ZRANB3: variants seen among roughly 807,000 people sequenced by gnomAD.
The protein encoded by ZRANB3 is zinc finger RANBP2-type containing 3.
In ZRANB3, 125 loss-of-function variants were observed where a neutral mutation model predicts 133.8. The ratio of observed to expected loss-of-function variants is 0.93; its 90% CI spans 0.81 to 1.08. ZRANB3 has a LOEUF of 1.08. ZRANB3 is among the 50% of genes least tolerant of loss of function. The probability of loss-of-function intolerance (pLI) is 0.00; values close to 1 mark genes in which losing one functional copy is unlikely to be tolerated. For missense variants in ZRANB3, 1,229 were observed against 1,275.5 expected, an observed-to-expected ratio of 0.96 and a Z score of 0.56; for synonymous variants, 387 against 432.7, an observed-to-expected ratio of 0.89 and a Z score of 1.31.
intron 15 of ZRANB3, among the ~76,000 whole-genome samples, chr2:135,220,025 C>T (rs7586958): frequency 0.037 from 5,641 of 152,098 alleles, 203 homozygotes; most frequent in South Asian, 0.16. Flanking sequence ...GCACGTTCCA[C>T]CACGCCTGGC....
chr2:135,407,599 A>G (rs1336526629), intron 2 of ZRANB3, among the ~76,000 whole-genome samples: 1 of 151,120 alleles, frequency 6.6e-6, no homozygotes, highest in Non-Finnish European at 1.5e-5. Flanking sequence ...TAACCAAAAC[A>G]GCATGGTACT....
intron 12 of ZRANB3, among the ~76,000 whole-genome samples, chr2:135,237,146 TTC>T (rs1336702382): frequency 2.6e-5 from 4 of 152,086 alleles, no homozygotes; most frequent in African/African-American, 9.7e-5. Flanking sequence ...GAACAGACAC[TTC>T]TCAAAAGAAG....
rs113493109 is a variant in ZRANB3, at chr2:135,255,275, G to GAC, written c.1539+10257_1539+10258dup. ...ACAAAACAACACACACACACACACAGACACACACACACACACACAGCCCCC... is the reference window on the plus strand; with the variant it reads ...ACAAAACAACACACACACACACACAGACACACACACACACACACACAGCCCCC... On this transcript the variant is annotated intron_variant, in intron 12 of 20. Transcript: ENST00000264159. Among the ~76,000 whole-genome samples, 859 of 148,448 alleles carry GAC rather than the reference G, an allele frequency of 5.8e-3. 9 individuals carry two copies. Among genetic ancestry groups the GAC allele is most frequent in the African/African-American group, 0.018 (717 of 40,588 alleles).
chr2:135,448,353 G>A (rs926875110), intron 2 of ZRANB3, among the ~76,000 whole-genome samples: 8 of 152,076 alleles, frequency 5.3e-5, no homozygotes, highest in South Asian at 2.1e-4. Context: ...CTGAACAGCC[G>A]CTATACATTT....
chr2:135,409,880 C>T (rs1002999336), intron 2 of ZRANB3, among the ~76,000 whole-genome samples: 1 of 152,046 alleles, frequency 6.6e-6, no homozygotes, highest in Admixed American at 6.6e-5. Context: ...TTACAATAGC[C>T]ACACACACAA....
At chr2:135,439,941 C>T (rs1689707018) in intron 2 of ZRANB3, among the ~76,000 whole-genome samples, 1 of 152,252 alleles carries the variant, frequency 6.6e-6, no homozygotes, top group Middle Eastern at 3.4e-3. Context: ...CAGGCTGATG[C>T]AATTTATGTT....
intron 16 of ZRANB3, among the ~76,000 whole-genome samples, chr2:135,218,304 G>A (rs138415593): frequency 1.1e-3 from 171 of 152,184 alleles, no homozygotes; most frequent in East Asian, 1.9e-3. Flanking sequence ...GAATTGCTTC[G>A]TAAATGATGC....
In ZRANB3 at chr2:135,511,163, T is replaced by C. The variant is rs983864907; in HGVS notation, c.-7-6667A>G. 1.1e-4 allele frequency: 83 copies of C among 779,218 alleles called. No individual in the cohort carries two copies. The Admixed American group carries it at 1.4e-3, about 13-fold the overall frequency. 48.3% of individuals were successfully genotyped at this position (779,218 alleles called of 1,614,324 possible). ...CAGTAACTGGAACAGCTCCACTGGGTTGAAGGTTGTTACTGGTCACAGATG... is the reference window on the plus strand; with the variant it reads ...CAGTAACTGGAACAGCTCCACTGGGCTGAAGGTTGTTACTGGTCACAGATG... On this transcript the variant is annotated intron_variant, in intron 1 of 20. Transcript: ENST00000264159.
At chr2:135,252,223 A>G (rs150233370) in intron 12 of ZRANB3, among the ~76,000 whole-genome samples, 1 of 152,288 alleles carries the variant, frequency 6.6e-6, no homozygotes, top group East Asian at 1.9e-4. Flanking sequence ...GAAGAAGAGC[A>G]AAAAAGATAA....
intron 8 of ZRANB3, among the ~76,000 whole-genome samples, chr2:135,307,206 C>T (rs1682749902): frequency 1.3e-5 from 2 of 152,102 alleles, no homozygotes; most frequent in African/African-American, 4.8e-5. Flanking sequence ...AGTGGGACCA[C>T]AGACGTGTAC....
rs922227294 is a variant in ZRANB3, at chr2:135,406,589, C to T, written c.162-15769G>A. On this transcript the variant is annotated intron_variant, in intron 2 of 20. Transcript: ENST00000264159. ...AATCCTCAATAAAATACTGGCAAAC[C>T]GAATCCAGCAGCACATCAAAAAGCT... Among the ~76,000 whole-genome samples, 19 of 152,144 alleles carry T rather than the reference C, an allele frequency of 1.2e-4. 1 individual carries two copies. Among genetic ancestry groups the T allele is most frequent in the East Asian group, 5.8e-4 (3 of 5,174 alleles).
intron 2 of ZRANB3, among the ~76,000 whole-genome samples, chr2:135,493,364 G>T (rs1692504490): frequency 6.7e-6 from 1 of 150,182 alleles, no homozygotes; most frequent in Non-Finnish European, 1.5e-5. Context: ...TCAAAAGGAG[G>T]CTACAGACTA....
In ZRANB3 at chr2:135,491,367, GAC is replaced by G. The variant is rs1325951180; in HGVS notation, c.161+12960_161+12961del. On this transcript the variant is annotated intron_variant, in intron 2 of 20. Transcript: ENST00000264159. The stretch of plus-strand genomic sequence containing the variant: ...TTTTAAATTAATTTATTTTTTTTGA[GAC>G]AGTCTTGCTCTATCACCCAGGCTGG... Among the ~76,000 whole-genome samples the G allele has an allele frequency of 2.0e-5, 3 of 151,930 alleles. No individual in the cohort carries two copies. In the East Asian group the frequency reaches 5.8e-4, roughly 29 times the overall value.
At chr2:135,215,074 T>A (rs924692797) in intron 17 of ZRANB3, among the ~76,000 whole-genome samples, 2 of 151,994 alleles carry the variant, frequency 1.3e-5, no homozygotes, top group African/African-American at 4.8e-5. Flanking sequence ...TGAGCCACCA[T>A]ACCTGGCTAT....
intron 12 of ZRANB3, among the ~76,000 whole-genome samples, chr2:135,234,160 C>A (rs1695176401): frequency 6.6e-6 from 1 of 152,152 alleles, no homozygotes; most frequent in African/African-American, 2.4e-5. Flanking sequence ...TCGGATAAAA[C>A]AGACTTTAAA....
At chr2:135,313,388 AG>A in intron 8 of ZRANB3, 100 bp downstream of exon 8, 1 of 766,246 alleles carries the variant, frequency 1.3e-6, no homozygotes. Context: ...ACAATAGCAA[AG>A]AAATTCTGCA....
chr2:135,318,150 A>C (rs1251324835), intron 6 of ZRANB3, among the ~76,000 whole-genome samples: 1 of 151,770 alleles, frequency 6.6e-6, no homozygotes, highest in Non-Finnish European at 1.5e-5. Flanking sequence ...TTACCTAATA[A>C]TATAAAAATT....
At chr2:135,408,851 G>A in intron 2 of ZRANB3, among the ~76,000 whole-genome samples, 1 of 152,070 alleles carries the variant, frequency 6.6e-6, no homozygotes, top group East Asian at 1.9e-4. Flanking sequence ...GGGAGGGATA[G>A]CATTTGGAGA....
At chr2:135,327,813 T>C (rs951640617) in intron 6 of ZRANB3, among the ~76,000 whole-genome samples, 6 of 152,270 alleles carry the variant, frequency 3.9e-5, no homozygotes, top group Non-Finnish European at 7.4e-5. Flanking sequence ...ACACATGGCA[T>C]AGTATCATAT....
Sources: allele counts gnomAD v4.1 joint callset (sites outside exome capture counted in the v4.1 genomes callset), GRCh38; gene constraint gnomAD v4.1.1; transcripts MANE v1.5; gene names NCBI Gene and HGNC (gene_info 2026-07-23, HGNC 2026-07-21).